GMFG: variants seen among roughly 807,000 people sequenced by gnomAD.
GMFG encodes the protein glia maturation factor gamma.
GMFG carries 21 observed loss-of-function variants against 26.1 expected under a neutral mutation model. That is an observed-to-expected ratio of 0.80 (90% CI 0.57 to 1.16). The LOEUF (loss-of-function observed/expected upper bound fraction) is 1.16, where lower values mean the gene tolerates loss of function less well. Among genes scored for constraint, GMFG ranks in the 50% most tolerant of loss-of-function variants. GMFG has a pLI of 0.00. For missense variants in GMFG, 161 were observed against 178.3 expected, an observed-to-expected ratio of 0.90 and a Z score of 0.55; for synonymous variants, 65 against 60.8, an observed-to-expected ratio of 1.07 and a Z score of -0.32.
chr19:39,335,996 CTCT>C lies in GMFG; in HGVS notation c.-23_-21del, dbSNP rs1284113117. ...GACCATGATTGTTCTGTCCACAGGC[CTCT>C]TCTTTTCTTAGTTCCGCTGTCTTCT... On this transcript the variant is annotated 5_prime_UTR_variant, in exon 1 of 7. Transcript: ENST00000597595. 1 of 1,600,340 alleles carries C rather than the reference CTCT, an allele frequency of 6.2e-7. No individual in the cohort carries two copies. The highest frequency in any genetic ancestry group is 1.7e-5 in the Admixed American group (1 of 59,940).
At chr19:39,331,799 A>G (rs1453695724) in intron 4 of GMFG, among the ~76,000 whole-genome samples, 1 of 152,178 alleles carries the variant, frequency 6.6e-6, no homozygotes, top group Admixed American at 6.5e-5. Flanking sequence ...ATAAAATAAC[A>G]ATAATAATAA....
In GMFG at chr19:39,335,671, C is replaced by T. The variant is rs563052736; in HGVS notation, c.4-140G>A. 4 of 692,744 alleles carry T rather than the reference C, an allele frequency of 5.8e-6. No individual in the cohort carries two copies. In the South Asian group the frequency reaches 6.4e-5, roughly 11 times the overall value. 42.9% of individuals were successfully genotyped at this position (692,744 alleles called of 1,614,324 possible). ...CCTTTGTGAACATTGAGAAAAGGCA[C>T]CCTTCCCACAGAGTAGATACCCCTC... On this transcript the variant is annotated intron_variant, in intron 1 of 6. Coordinates refer to ENST00000597595, the MANE Select transcript of GMFG (RefSeq NM_004877.4).
intron 3 of GMFG, among the ~76,000 whole-genome samples, chr19:39,334,696 A>C (rs942934102): frequency 2.3e-4 from 35 of 152,234 alleles, no homozygotes; most frequent in Non-Finnish European, 4.9e-4. Context: ...ACCCATTACA[A>C]GAATTAAATC....
rs200197105 is a variant in GMFG at position 39,335,960 on chromosome 19, C to G, written c.3+14G>C. ...CCAGCCCCAGCTCTTCCCATAGAAC[C>G]CCTGGCCCCTGACCATGATTGTTCT... On this transcript the variant is annotated intron_variant, in intron 1 of 6. Coordinates refer to ENST00000597595, the MANE Select transcript of GMFG (RefSeq NM_004877.4). The G allele has an allele frequency of 6.3e-7, 1 of 1,575,924 alleles. No homozygotes were observed. Among genetic ancestry groups the G allele is most frequent in the South Asian group, 1.1e-5 (1 of 90,148 alleles).
intron 1 of GMFG, 57 bp from the exon 2 acceptor site, chr19:39,335,588 C>T (rs970985068): frequency 4.5e-5 from 51 of 1,144,062 alleles, no homozygotes; most frequent in Non-Finnish European, 6.0e-5. Context: ...TCACCCCTTC[C>T]CCAAACCTGT....
Position 39,335,321 on chromosome 19 carries a change from G to A in GMFG, c.101-11C>T, listed in dbSNP as rs1399393729. 16 of 1,582,228 alleles carry A rather than the reference G, an allele frequency of 1.0e-5. No homozygotes were observed. Among genetic ancestry groups the A allele is most frequent in the Non-Finnish European group, 1.3e-5 (15 of 1,161,794 alleles). ...CTTTGTCCACCTTCACTGGGGAGGG[G>A]TGGCACACAGGGATTAGACACTCCC... On this transcript the variant is annotated splice_polypyrimidine_tract_variant and intron_variant, in intron 2 of 6. Transcript: ENST00000597595.
Position 39,328,985 on chromosome 19 carries a change from C to T in GMFG, c.357+15G>A, listed in dbSNP as rs572116210. On this transcript the variant is annotated intron_variant, in intron 6 of 6. Transcript: ENST00000597595. ...ACCTCTCCCTAACACTCTGGAGCCC[C>T]ATCCCAGTCTGAACCTTTGTGAGCT... is the stretch of plus-strand genomic sequence containing the variant. 1.9e-5 allele frequency: 30 copies of T among 1,590,010 alleles called. No homozygotes were observed. Among genetic ancestry groups the T allele is most frequent in the Non-Finnish European group, 2.6e-5 (30 of 1,157,984 alleles).
chr19:39,329,668 G>T (rs181597528), intron 4 of GMFG, 42 bp from the exon 5 acceptor site: 25 of 1,283,398 alleles, frequency 1.9e-5, no homozygotes, highest in Admixed American at 3.4e-5. Flanking sequence ...CTGGCCTGCA[G>T]CCCAGGCTTA....
chr19:39,328,722 T>C (rs2075213712), intron 6 of GMFG, 174 bp from the exon 7 acceptor site: 1 of 610,910 alleles, frequency 1.6e-6, no homozygotes, highest in East Asian at 2.8e-5. Context: ...CTACTAAAAA[T>C]ACAAAAAGTA....
rs1265560995 is a variant in GMFG, at chr19:39,330,989, C to T, written c.201-1363G>A. 2.6e-5 allele frequency among the ~76,000 whole-genome samples: 4 copies of T among 152,316 alleles called. No homozygotes were observed. The East Asian group carries it at 7.7e-4, about 29-fold the overall frequency. ...CTGGCCACAAGCAGTACTCCCACCTCAGACTCCCAAAGTGCTGAGATTACA... is the reference window on the plus strand; with the variant it reads ...CTGGCCACAAGCAGTACTCCCACCTTAGACTCCCAAAGTGCTGAGATTACA... On this transcript the variant is annotated intron_variant, in intron 4 of 6. Coordinates refer to ENST00000597595, the MANE Select transcript of GMFG (RefSeq NM_004877.4).
At chr19:39,335,840 G>T (rs1242949474) in intron 1 of GMFG, 134 bp downstream of exon 1, 1 of 721,158 alleles carries the variant, frequency 1.4e-6, no homozygotes, top group East Asian at 2.7e-5. Context: ...CTTCCAGCCG[G>T]GCTGTTCACC....
rs1435411621 is a variant in GMFG, at chr19:39,328,561, A to C, written c.358-13T>G. 1 of 1,597,402 alleles carries C rather than the reference A, an allele frequency of 6.3e-7. No homozygotes were observed. The highest frequency in any genetic ancestry group is 8.6e-7 in the Non-Finnish European group (1 of 1,165,210). ...GGATTTCGAACACCTGGGCAGAGAG[A>C]GGTCTCGGCATTATGATCTACTCAA... On this transcript the variant is annotated splice_polypyrimidine_tract_variant and intron_variant, in intron 6 of 6. Coordinates refer to ENST00000597595, the MANE Select transcript of GMFG (RefSeq NM_004877.4).
intron 1 of GMFG, 142 bp from the exon 2 acceptor site, chr19:39,335,673 C>A (rs2075246700): frequency 2.9e-6 from 2 of 688,174 alleles, no homozygotes; most frequent in East Asian, 2.6e-5. Flanking sequence ...AAAAGGCACC[C>A]TTCCCACAGA....
intron 3 of GMFG, among the ~76,000 whole-genome samples, chr19:39,333,505 G>A (rs866766): frequency 6.6e-6 from 1 of 151,438 alleles, no homozygotes; most frequent in African/African-American, 2.4e-5. Context: ...GCTTGAACCC[G>A]GGAGGCGGAG....
intron 5 of GMFG, 63 bp from the exon 6 acceptor site, chr19:39,329,136 G>A (rs772136115): frequency 3.4e-6 from 4 of 1,161,422 alleles, no homozygotes; most frequent in Non-Finnish European, 5.2e-6. Flanking sequence ...TAAAGCTCTA[G>A]TAATGTCCTG....
chr19:39,332,801 G>T (rs1005416134), intron 4 of GMFG: 9 of 273,302 alleles, frequency 3.3e-5, no homozygotes, highest in Middle Eastern at 1.2e-3. Flanking sequence ...TGGGATTACA[G>T]TCACATGCCA....
intron 1 of GMFG, 71 bp from the exon 2 acceptor site, chr19:39,335,602 T>G (rs1443573843): frequency 3.0e-6 from 3 of 1,013,214 alleles, no homozygotes; most frequent in Non-Finnish European, 4.7e-6. Flanking sequence ...AACCTGTTTC[T>G]CCATCCACTA....
At chr19:39,330,819 C>T (rs982641551) in intron 4 of GMFG, among the ~76,000 whole-genome samples, 1 of 151,704 alleles carries the variant, frequency 6.6e-6, no homozygotes, top group African/African-American at 2.4e-5. Context: ...AGGCTGGTCT[C>T]GAACTCCTGA....
intron 4 of GMFG, among the ~76,000 whole-genome samples, chr19:39,332,242 A>G (rs1568333535): frequency 6.6e-6 from 1 of 151,764 alleles, no homozygotes; most frequent in East Asian, 1.9e-4. Context: ...AGGCCAGAGA[A>G]TCGCTTGAAC....
Sources: gnomAD v4.1 joint callset for allele counts (sites outside exome capture counted in the v4.1 genomes callset) on GRCh38, gnomAD v4.1.1 for gene constraint, MANE v1.5 for transcripts, NCBI Gene and HGNC (gene_info 2026-07-23, HGNC 2026-07-21) for gene names.